Variants in CNTNAP2 observed in about 807,000 individuals in gnomAD.
CNTNAP2 encodes contactin-associated protein-like 2.
Under a neutral mutation model 155.2 loss-of-function variants are expected in CNTNAP2, and 98 were observed. The ratio of observed to expected loss-of-function variants is 0.63; its 90% CI spans 0.54 to 0.75. The LOEUF is 0.75. Ranked by LOEUF, CNTNAP2 falls within the 30% of genes least tolerant of loss-of-function variation. The pLI is 0.00. For synonymous variants in CNTNAP2, 651 were observed against 631.2 expected, an observed-to-expected ratio of 1.03 and a Z score of -0.47; for missense variants, 1,727 against 1,688.1, an observed-to-expected ratio of 1.02 and a Z score of -0.40.
At chr7:148,014,915 C>T (rs4726906) in intron 15 of CNTNAP2, among the ~76,000 whole-genome samples, 52,377 of 152,008 alleles carry the variant, frequency 0.34, 9,802 homozygotes, top group East Asian at 0.74. Context: ...AGAGAGAAGG[C>T]TTCAGTAAAG....
At chr7:148,074,301 A>G (rs996253805) in intron 15 of CNTNAP2, among the ~76,000 whole-genome samples, 5 of 152,154 alleles carry the variant, frequency 3.3e-5, no homozygotes, top group African/African-American at 1.2e-4. Flanking sequence ...CTGACAGTGG[A>G]CTACAAAGAT....
chr7:147,653,130 A>G (rs1795473185), intron 13 of CNTNAP2, among the ~76,000 whole-genome samples: 1 of 152,240 alleles, frequency 6.6e-6, no homozygotes, highest in Non-Finnish European at 1.5e-5. Flanking sequence ...ATATCAAGGT[A>G]TTTCAAATAG....
rs915202632 is a variant in CNTNAP2 at position 146,328,373 on chromosome 7, T to G, written c.97+211400T>G. ...CTGTTCTATCAAAATATCTTCTCCT[T>G]TGTTTTTCCAGCTTTATTGAGGTAT... On this transcript the variant is annotated intron_variant, in intron 1 of 23. Coordinates refer to ENST00000361727, the MANE Select transcript of CNTNAP2 (RefSeq NM_014141.6). Among the ~76,000 whole-genome samples, 4 of 152,290 alleles carry G rather than the reference T, an allele frequency of 2.6e-5. No individual in the cohort carries two copies. The East Asian group carries it at 7.7e-4, about 29-fold the overall frequency.
chr7:148,027,908 A>G (rs1802402062), intron 15 of CNTNAP2, among the ~76,000 whole-genome samples: 1 of 152,184 alleles, frequency 6.6e-6, no homozygotes, highest in African/African-American at 2.4e-5. Context: ...TAAAATGACA[A>G]TGATTATTTT....
At chr7:148,358,137 C>T (rs959295716) in intron 21 of CNTNAP2, among the ~76,000 whole-genome samples, 4 of 152,024 alleles carry the variant, frequency 2.6e-5, no homozygotes, top group Non-Finnish European at 5.9e-5. Context: ...TCAAGGTGGT[C>T]GTATCACTGG....
intron 1 of CNTNAP2, among the ~76,000 whole-genome samples, chr7:146,619,525 T>C (rs1585009846): frequency 6.6e-6 from 1 of 152,194 alleles, no homozygotes; most frequent in East Asian, 1.9e-4. Flanking sequence ...TTCTATTATG[T>C]TATAAACTAG....
intron 3 of CNTNAP2, among the ~76,000 whole-genome samples, chr7:146,885,969 GTGTGTA>G (rs58416508): frequency 0.011 from 1,439 of 131,206 alleles, 22 homozygotes; most frequent in African/African-American, 0.03. Flanking sequence ...GTGTGTGTGT[GTGTGTA>G]TGTGCTTTCC....
chr7:148,018,221 C>T (rs1802213458), intron 15 of CNTNAP2, among the ~76,000 whole-genome samples: 1 of 152,196 alleles, frequency 6.6e-6, no homozygotes, highest in African/African-American at 2.4e-5. Context: ...ACTGAAACTG[C>T]TGCTAACTAT....
At chr7:147,812,225 A>G (rs1683014466) in intron 13 of CNTNAP2, among the ~76,000 whole-genome samples, 1 of 152,170 alleles carries the variant, frequency 6.6e-6, no homozygotes, top group African/African-American at 2.4e-5. Flanking sequence ...TGTTCCAGGA[A>G]GAGGAAGGAG....
At chr7:148,225,877 T>C (rs1425221068) in intron 19 of CNTNAP2, among the ~76,000 whole-genome samples, 1 of 152,168 alleles carries the variant, frequency 6.6e-6, no homozygotes, top group African/African-American at 2.4e-5. Flanking sequence ...GAAGGATGAA[T>C]TGGCAATTCA....
chr7:147,583,944 A>G (rs1800567970), intron 12 of CNTNAP2, among the ~76,000 whole-genome samples: 1 of 152,218 alleles, frequency 6.6e-6, no homozygotes, highest in African/African-American at 2.4e-5. Context: ...ACTTGTATCA[A>G]AACTTGAAGA....
rs183581032 is a variant in CNTNAP2 at position 147,304,375 on chromosome 7, A to G, written c.1498+4085A>G. The stretch of plus-strand genomic sequence containing the variant: ...AATAATCAAAAGAATGTTAAACACA[A>G]TAATTAAATTTACCTATTGACTGTT... On this transcript the variant is annotated intron_variant, in intron 9 of 23. Transcript: ENST00000361727. Among the ~76,000 whole-genome samples, 603 of 152,316 alleles carry G rather than the reference A, an allele frequency of 4.0e-3. 1 individual carries two copies. Among genetic ancestry groups the G allele is most frequent in the Non-Finnish European group, 5.8e-3 (396 of 68,030 alleles).
chr7:146,458,848 C>T (rs1796595284), intron 1 of CNTNAP2, among the ~76,000 whole-genome samples: 2 of 152,226 alleles, frequency 1.3e-5, no homozygotes, highest in South Asian at 4.1e-4. Context: ...CTTCACAATG[C>T]TCACTGCAGA....
At chr7:147,544,975 G>A (rs540387411) in intron 11 of CNTNAP2, among the ~76,000 whole-genome samples, 3 of 151,916 alleles carry the variant, frequency 2.0e-5, no homozygotes, top group Admixed American at 1.3e-4. Flanking sequence ...ACTCAGTCTC[G>A]AGTTTGTCTT....
At chr7:146,989,159 T>G (rs948337078) in intron 3 of CNTNAP2, among the ~76,000 whole-genome samples, 11 of 152,170 alleles carry the variant, frequency 7.2e-5, no homozygotes, top group Non-Finnish European at 1.3e-4. Context: ...GTTTAGCGTG[T>G]AGGAGCATGT....
intron 3 of CNTNAP2, among the ~76,000 whole-genome samples, chr7:146,948,259 G>C (rs1797232175): frequency 6.6e-6 from 1 of 151,472 alleles, no homozygotes; most frequent in Middle Eastern, 3.2e-3. Flanking sequence ...TATGACTCTG[G>C]GGTTGGATAG....
chr7:148,363,730 C>T (rs1368836424), intron 21 of CNTNAP2, among the ~76,000 whole-genome samples: 3 of 152,336 alleles, frequency 2.0e-5, no homozygotes, highest in South Asian at 4.1e-4. Context: ...TTTGAGGAGC[C>T]CTTCAGTCCC....
chr7:146,256,079 C>T (rs113577791), intron 1 of CNTNAP2, among the ~76,000 whole-genome samples: 6,307 of 152,194 alleles, frequency 0.041, 398 homozygotes, highest in African/African-American at 0.14. Context: ...TTTGAAATAT[C>T]CTATAGGGAA....
intron 8 of CNTNAP2, among the ~76,000 whole-genome samples, chr7:147,213,973 G>A (rs574506876): frequency 3.9e-5 from 6 of 152,178 alleles, no homozygotes; most frequent in African/African-American, 1.4e-4. Flanking sequence ...TCAGATGATT[G>A]AATGGTGCCC....
Sources: allele counts gnomAD v4.1 joint callset (sites outside exome capture counted in the v4.1 genomes callset), GRCh38; gene constraint gnomAD v4.1.1; transcripts MANE v1.5; gene names NCBI Gene and HGNC (gene_info 2026-07-23, HGNC 2026-07-21).